Variants in CD109 observed in about 807,000 individuals in gnomAD.
The protein encoded by CD109 is CD109 antigen.
CD109 carries 149 observed loss-of-function variants against 165.8 expected under a neutral mutation model. That is an observed-to-expected ratio of 0.90 (90% CI 0.79 to 1.03). The LOEUF (loss-of-function observed/expected upper bound fraction) is 1.03, where lower values mean the gene tolerates loss of function less well. Among genes scored for constraint, CD109 ranks in the 50% least tolerant of loss-of-function variants. The pLI is 0.00. For missense variants in CD109, 1,712 were observed against 1,677.8 expected, an observed-to-expected ratio of 1.02 and a Z score of -0.36; for synonymous variants, 585 against 592.1, an observed-to-expected ratio of 0.99 and a Z score of 0.18.
At chr6:73,794,538 G>T (rs1582171422) in intron 23 of CD109, among the ~76,000 whole-genome samples, 1 of 152,182 alleles carries the variant, frequency 6.6e-6, no homozygotes. Flanking sequence ...TTAAGTAGAT[G>T]AGCTGGAGTC....
rs1775513200 is a variant in CD109 at position 73,804,997 on chromosome 6, A to C, written c.2960+1696A>C. Among the ~76,000 whole-genome samples the C allele has an allele frequency of 1.3e-5, 2 of 152,324 alleles. 1 individual carries two copies. Among genetic ancestry groups the C allele is most frequent in the East Asian group, 3.9e-4 (2 of 5,180 alleles). On this transcript the variant is annotated intron_variant, in intron 24 of 32. Transcript: ENST00000287097. ...ATGGCGATCATTATAAAGGCAGGAA[A>C]CAACAGGTGCTGGAGAAGTTGTGGA...
the CD109 span, among the ~76,000 whole-genome samples, chr6:73,682,794 C>T: frequency 1.3e-5 from 2 of 152,244 alleles, no homozygotes; most frequent in Non-Finnish European, 2.9e-5. Flanking sequence ...TAATTCTTGA[C>T]TTCTGTGCAC....
Position 73,697,385 on chromosome 6 carries a change from T to C in CD109, c.75-15T>C, listed in dbSNP as rs753118277. The C allele has an allele frequency of 2.5e-6, 4 of 1,609,314 alleles. No individual in the cohort carries two copies. In the African/African-American group the frequency reaches 5.4e-5, roughly 22 times the overall value. ...GATAAGAAACTTTGTTTTTCCCTTG[T>C]TGGGAACTCTTTAGGCCTCGGTTTC... On this transcript the variant is annotated splice_polypyrimidine_tract_variant and intron_variant, in intron 1 of 32. Transcript: ENST00000287097.
Position 73,782,539 on chromosome 6 carries a change from C to A in CD109, c.1964-75C>A. The stretch of plus-strand genomic sequence containing the variant: ...CTGGACACCTCAAGTGATTGACATT[C>A]ATTTTGTATGTGGAGTTTACAATTC... On this transcript the variant is annotated intron_variant, in intron 17 of 32. Transcript: ENST00000287097. 2.1e-6 allele frequency: 3 copies of A among 1,403,558 alleles called. No individual in the cohort carries two copies. In the Admixed American group the frequency reaches 5.3e-5, roughly 25 times the overall value. 86.9% of individuals were successfully genotyped at this position (1,403,558 alleles called of 1,614,324 possible). A position where few individuals can be genotyped will look rare whatever the true frequency, so the allele number is the denominator to read the frequency against.
chr6:73,782,497 A>C, intron 17 of CD109, 117 bp from the exon 18 acceptor site: 2 of 945,408 alleles, frequency 2.1e-6, no homozygotes, highest in Non-Finnish European at 3.2e-6. Flanking sequence ...TGATACTCTC[A>C]CTGGCACATT....
intron 3 of CD109, among the ~76,000 whole-genome samples, chr6:73,729,061 C>T (rs186189029): frequency 6.6e-5 from 10 of 152,288 alleles, no homozygotes; most frequent in Admixed American, 3.3e-4. Flanking sequence ...TAGGCTGACA[C>T]GTGGTTGTTG....
At chr6:73,748,089 C>G (rs1442200956) in intron 5 of CD109, among the ~76,000 whole-genome samples, 2 of 152,056 alleles carry the variant, frequency 1.3e-5, no homozygotes, top group Non-Finnish European at 2.9e-5. Context: ...AGGCTGGTCT[C>G]TAACTCCTTA....
At chr6:73,768,528 G>A (rs1362124814) in intron 14 of CD109, among the ~76,000 whole-genome samples, 1 of 152,192 alleles carries the variant, frequency 6.6e-6, no homozygotes, top group East Asian at 1.9e-4. Context: ...TTGCTCAGGA[G>A]TGAAATTCCA....
intron 18 of CD109, 61 bp downstream of exon 18, chr6:73,782,816 C>T: frequency 6.6e-7 from 1 of 1,516,438 alleles, no homozygotes; most frequent in Non-Finnish European, 9.0e-7. Context: ...TTTAAATAAG[C>T]TTTGCCCGCT....
intron 28 of CD109, 102 bp downstream of exon 28, chr6:73,811,249 C>T: frequency 7.4e-7 from 1 of 1,348,346 alleles, no homozygotes; most frequent in Non-Finnish European, 1.0e-6. Context: ...GACTTGTTTC[C>T]AGAGCTCTGT....
In CD109 at chr6:73,730,512, C is replaced by G. The variant is rs137899447; in HGVS notation, c.445C>G (p.Arg149Gly). ...CAAGCCAAAGCAAGAAGTGAAGTTTCGCATTGTTACACTCTTCTCAGATTT... is the reference window on the plus strand; with the variant it reads ...CAAGCCAAAGCAAGAAGTGAAGTTTGGCATTGTTACACTCTTCTCAGATTT... ...LYKPKQEVKF[R>G]IVTLFSDFKP... Residue 149 changes from arginine (R) to glycine (G), a missense_variant, in exon 4 of 33, where the codon CGC becomes GGC. By Grantham distance (125) the Arg-to-Gly change is moderately radical (BLOSUM62 -2). Coordinates refer to ENST00000287097, the MANE Select transcript of CD109 (RefSeq NM_133493.5). 1.2e-6 allele frequency: 2 copies of G among 1,614,104 alleles called. No individual in the cohort carries two copies. The highest frequency in any genetic ancestry group is 4.5e-5 in the East Asian group (2 of 44,886).
intron 7 of CD109, among the ~76,000 whole-genome samples, chr6:73,759,612 CTAAATCTGCTTCACAT>C (rs1193444421): frequency 3.3e-5 from 5 of 152,186 alleles, no homozygotes; most frequent in Non-Finnish European, 4.4e-5. Flanking sequence ...GTTTGGAAAA[CTAAATCTGCTTCACAT>C]TAAAGTCAAA....
rs1279398556 is a variant in CD109 at position 73,730,522 on chromosome 6, C to T, written c.455C>T (p.Thr152Ile). The T allele has an allele frequency of 6.2e-7, 1 of 1,613,982 alleles. No individual in the cohort carries two copies. Among genetic ancestry groups the T allele is most frequent in the Admixed American group, 1.7e-5 (1 of 60,008 alleles). Residue 152 changes from threonine (T) to isoleucine (I), a missense_variant, in exon 4 of 33, where the codon ACA (threonine) becomes ATA (isoleucine). Physicochemically the swap from Thr to Ile is moderately conservative, Grantham distance 89. Transcript: ENST00000287097. ...CAAGAAGTGAAGTTTCGCATTGTTA[C>T]ACTCTTCTCAGATTTTAAGCCTTAC... ...PKQEVKFRIVTLFSDFKPYKT... is the reference protein window; with the variant it reads ...PKQEVKFRIVILFSDFKPYKT...
chr6:73,786,283 G>A (rs1056072116), intron 20 of CD109, among the ~76,000 whole-genome samples: 1 of 152,158 alleles, frequency 6.6e-6, no homozygotes, highest in Non-Finnish European at 1.5e-5. Flanking sequence ...TGTTAACCAA[G>A]TGACTGATTT....
Position 73,762,739 on chromosome 6 carries a change from A to G in CD109, c.856-2A>G. The G allele has an allele frequency of 6.3e-7, 1 of 1,593,584 alleles. No homozygotes were observed. Among genetic ancestry groups the G allele is most frequent in the East Asian group, 2.2e-5 (1 of 44,642 alleles). ...ATAATACTGAACTTTTAAACAAAAC[A>G]GATAAATGGATCTGCAAACTTCTCT... On this transcript the variant is annotated splice_acceptor_variant, in intron 8 of 32. Coordinates refer to ENST00000287097, the MANE Select transcript of CD109 (RefSeq NM_133493.5). LOFTEE classifies it high-confidence loss of function.
intron 24 of CD109, chr6:73,803,891 A>G (rs898494313): frequency 6.6e-6 from 1 of 152,332 alleles, no homozygotes; most frequent in Non-Finnish European, 1.5e-5. Flanking sequence ...TGCTGTGGTA[A>G]CAACCAACCT....
chr6:73,742,008 G>A (rs1772803457), intron 5 of CD109, among the ~76,000 whole-genome samples: 1 of 151,992 alleles, frequency 6.6e-6, no homozygotes, highest in African/African-American at 2.4e-5. Flanking sequence ...ATTTTCTGTA[G>A]TAAAATACAC....
chr6:73,807,113 C>A, intron 25 of CD109, 41 bp downstream of exon 25: 1 of 1,499,974 alleles, frequency 6.7e-7, no homozygotes, highest in South Asian at 1.1e-5. Flanking sequence ...ATGGGAAATT[C>A]AAGGAAGGTA....
At chr6:73,712,963 G>A (rs1450083490) in intron 2 of CD109, among the ~76,000 whole-genome samples, 1 of 152,148 alleles carries the variant, frequency 6.6e-6, no homozygotes, top group Non-Finnish European at 1.5e-5. Flanking sequence ...GTGTCTGAAT[G>A]GAGCCTCGCC....
Sources: gnomAD v4.1 joint callset for allele counts (sites outside exome capture counted in the v4.1 genomes callset) on GRCh38, gnomAD v4.1.1 for gene constraint, MANE v1.5 for transcripts, NCBI Gene and HGNC (gene_info 2026-07-23, HGNC 2026-07-21) for gene names.